MLXIPL: variants seen among roughly 807,000 people sequenced by gnomAD.
The protein encoded by MLXIPL is MLX interacting protein like.
MLXIPL carries 49 observed loss-of-function variants against 81.5 expected under a neutral mutation model. That is an observed-to-expected ratio of 0.60 (90% CI 0.48 to 0.76). The LOEUF (loss-of-function observed/expected upper bound fraction) is 0.76. Among genes scored for constraint, MLXIPL ranks in the 30% least tolerant of loss-of-function variants. MLXIPL has a pLI of 0.00. For missense variants in MLXIPL, 1,053 were observed against 1,167.0 expected, an observed-to-expected ratio of 0.90 and a Z score of 1.42; for synonymous variants, 466 against 485.5, an observed-to-expected ratio of 0.96 and a Z score of 0.53.
chr7:73,621,399 G>A (rs1219486357), intron 1 of MLXIPL, among the ~76,000 whole-genome samples: 1 of 151,318 alleles, frequency 6.6e-6, no homozygotes, highest in African/African-American at 2.4e-5. Context: ...TCTGCAGGCT[G>A]GTCTCTGGGT....
Position 73,597,656 on chromosome 7 carries a change from G to A in MLXIPL, c.1129C>T (p.Leu377Phe). ...CGGGGCTTGGGGTCTTCAGGAAGGA[G>A]GAAATCAGAACTCAGGAAGGCGCTG... ...DSSAFLSSDF[L>F]LPEDPKPRLP... Residue 377 changes from leucine (L) to phenylalanine (F), a missense_variant, in exon 9 of 17, where the codon CTC (leucine) becomes TTC (phenylalanine). Transcript: ENST00000313375. 1 of 1,389,672 alleles carries A rather than the reference G, an allele frequency of 7.2e-7. No homozygotes were observed. Among genetic ancestry groups the A allele is most frequent in the Non-Finnish European group, 9.3e-7 (1 of 1,076,022 alleles). 86.1% of individuals were successfully genotyped at this position (1,389,672 alleles called of 1,614,324 possible).
rs779577597 is a variant in MLXIPL, at chr7:73,607,664, G to A, written c.409C>T (p.Arg137Trp). 3 of 1,613,170 alleles carry A rather than the reference G, an allele frequency of 1.9e-6. No homozygotes were observed. Among genetic ancestry groups the A allele is most frequent in the Non-Finnish European group, 2.5e-6 (3 of 1,179,890 alleles). Reference sequence around the variant, plus strand: ...AAGCCACACACGGGGCTCTTCCTCCGCTTCACATCTGAGAGAAGGGGGCCA... The same window carrying A: ...AAGCCACACACGGGGCTCTTCCTCCACTTCACATCTGAGAGAAGGGGGCCA... ...WRAWYIQYVK[R>W]RKSPVCGFVT... is the part of the protein sequence containing the mutation. The change falls in exon 3 of 17, where the codon CGG (arginine) becomes TGG (tryptophan). Residue 137 changes from arginine to tryptophan, a missense_variant. Around this residue, in one of 3 missense-constraint regions of MLXIPL, gnomAD observed 226 missense variants for 216.2 expected, o/e 1.05. Coordinates refer to ENST00000313375, the MANE Select transcript of MLXIPL (RefSeq NM_032951.3).
intron 2 of MLXIPL, among the ~76,000 whole-genome samples, chr7:73,612,274 T>G (rs1795734677): frequency 6.6e-6 from 1 of 151,984 alleles, no homozygotes; most frequent in Non-Finnish European, 1.5e-5. Flanking sequence ...GAGGCCGCAG[T>G]GAGCTATGTT....
chr7:73,610,478 T>G (rs1437568164), intron 2 of MLXIPL: 1 of 152,388 alleles, frequency 6.6e-6, no homozygotes, highest in African/African-American at 2.4e-5. Flanking sequence ...TCATCTCCTT[T>G]TTTTGAGACA....
At position 73,605,797 on chromosome 7, in the gene MLXIPL, C is replaced by G. The variant is rs1554597788; in HGVS notation, c.821-29G>C. ...GAGGCAGCAGTGGCGACATCAGCAG[C>G]AGCAGGCAGGGAGGAGCAGGGTCCC... On this transcript the variant is annotated intron_variant, in intron 6 of 16. Transcript: ENST00000313375. 4 of 1,609,450 alleles carry G rather than the reference C, an allele frequency of 2.5e-6. No homozygotes were observed. In the African/African-American group the frequency reaches 5.3e-5, roughly 22 times the overall value.
Position 73,596,068 on chromosome 7 carries a change from C to G in MLXIPL, c.2058+85G>C. The G allele has an allele frequency of 3.1e-6, 5 of 1,598,496 alleles. No homozygotes were observed. Among genetic ancestry groups the G allele is most frequent in the Middle Eastern group, 2.1e-4 (1 of 4,722 alleles). On this transcript the variant is annotated intron_variant, in intron 13 of 16. Transcript: ENST00000313375. This position sits in a 1 kb window ranked among gnomAD's most constrained non-coding sequence, Gnocchi z 4.7. ...GGAGGAGGCAAGAGTGTCTGGAGCACTCCCCTGCAATTGAGTTTTGGGTGG... is the reference window on the plus strand; with the variant it reads ...GGAGGAGGCAAGAGTGTCTGGAGCAGTCCCCTGCAATTGAGTTTTGGGTGG...
At chr7:73,606,646 G>A (rs1435109992) in intron 5 of MLXIPL, 5 of 359,748 alleles carry the variant, frequency 1.4e-5, no homozygotes, top group Admixed American at 7.7e-5. Flanking sequence ...GGCTGGTCTC[G>A]AACTCCTGAC....
chr7:73,637,671 T>C, the MLXIPL span, among the ~76,000 whole-genome samples: 1 of 152,016 alleles, frequency 6.6e-6, no homozygotes, highest in Non-Finnish European at 1.5e-5. Context: ...TTCTTACTGA[T>C]GGTAGATGGC....
chr7:73,601,253 G>C (rs1794803272), intron 7 of MLXIPL, among the ~76,000 whole-genome samples: 1 of 150,728 alleles, frequency 6.6e-6, no homozygotes, highest in South Asian at 2.1e-4. Flanking sequence ...CCCAGAGATA[G>C]AATCGTGCTA....
chr7:73,598,521 G>C (rs761327055), intron 8 of MLXIPL, among the ~76,000 whole-genome samples: 1 of 151,974 alleles, frequency 6.6e-6, no homozygotes, highest in Non-Finnish European at 1.5e-5. Context: ...ACCAACCCAC[G>C]TGTGCCTCCA....
the MLXIPL span, among the ~76,000 whole-genome samples, chr7:73,637,500 A>G: frequency 6.6e-6 from 1 of 152,066 alleles, no homozygotes; most frequent in African/African-American, 2.4e-5. Context: ...AAAAAACAAA[A>G]AGGGGCTTTT....
chr7:73,602,118 G>GCCTTCCTT (rs1157234046), intron 7 of MLXIPL, among the ~76,000 whole-genome samples: 28 of 49,076 alleles, frequency 5.7e-4, no homozygotes, highest in South Asian at 4.7e-3. Flanking sequence ...CTGCCTGCCT[G>GCCTTCCTT]CCTGCCTGCC....
intron 1 of MLXIPL, among the ~76,000 whole-genome samples, chr7:73,620,373 C>T (rs1796264900): frequency 6.6e-6 from 1 of 151,764 alleles, no homozygotes; most frequent in South Asian, 2.1e-4. Context: ...CATTGTACTC[C>T]AGCTTGAGTG....
chr7:73,639,426 T>C, the MLXIPL span, among the ~76,000 whole-genome samples: 4 of 152,206 alleles, frequency 2.6e-5, no homozygotes, highest in African/African-American at 4.8e-5. Flanking sequence ...CATGGTTGGA[T>C]ACATTTTGAT....
the MLXIPL span, among the ~76,000 whole-genome samples, chr7:73,645,788 A>T: frequency 6.6e-6 from 1 of 152,114 alleles, no homozygotes; most frequent in Non-Finnish European, 1.5e-5. Flanking sequence ...TGGAGCCAAG[A>T]TGCTTGGGTT....
At chr7:73,640,618 A>G in the MLXIPL span, among the ~76,000 whole-genome samples, 1 of 151,636 alleles carries the variant, frequency 6.6e-6, no homozygotes, top group Non-Finnish European at 1.5e-5. Flanking sequence ...CTCTACTAAG[A>G]ATACAAAAAT....
At chr7:73,602,039 C>T (rs561546923) in intron 7 of MLXIPL, among the ~76,000 whole-genome samples, 2 of 151,784 alleles carry the variant, frequency 1.3e-5, no homozygotes, top group Admixed American at 6.6e-5. Flanking sequence ...CGTGTCTAAC[C>T]TCATGGCAAA....
intron 1 of MLXIPL, among the ~76,000 whole-genome samples, chr7:73,617,984 C>T (rs1161108692): frequency 6.6e-6 from 1 of 152,332 alleles, no homozygotes; most frequent in Non-Finnish European, 1.5e-5. Context: ...TAGTCTCTCC[C>T]TCCCTCTCTC....
chr7:73,633,287 T>C, the MLXIPL span, among the ~76,000 whole-genome samples: 1 of 151,518 alleles, frequency 6.6e-6, no homozygotes, highest in Non-Finnish European at 1.5e-5. Context: ...TTTCACCGTG[T>C]TAACCAGGAT....
Sources: allele counts gnomAD v4.1 joint callset (sites outside exome capture counted in the v4.1 genomes callset), GRCh38; gene constraint gnomAD v4.1.1; regional missense constraint gnomAD v4.1.1; non-coding constraint Gnocchi (gnomAD v3.1); transcripts MANE v1.5; gene names NCBI Gene and HGNC (gene_info 2026-07-23, HGNC 2026-07-21).